Variants in MYO7B observed in about 807,000 individuals in gnomAD.
MYO7B encodes unconventional myosin-VIIb.
A neutral mutation model predicts 259.7 loss-of-function variants in MYO7B; 212 were observed. The ratio of observed to expected loss-of-function variants is 0.82; its 90% CI spans 0.73 to 0.91. The LOEUF (loss-of-function observed/expected upper bound fraction) is 0.91, where lower values mean the gene tolerates loss of function less well. Ranked by LOEUF, MYO7B falls within the 40% of genes least tolerant of loss-of-function variation. The pLI is 0.00. For synonymous variants in MYO7B, 1,197 were observed against 1,166.4 expected (o/e 1.03, Z -0.54); for missense variants, 2,732 against 2,813.5 (o/e 0.97, Z 0.66).
At position 127,559,878 on chromosome 2, in the gene MYO7B, G is replaced by C; in HGVS notation, c.18+138G>C. 9.7e-7 allele frequency: 1 copy of C among 1,034,686 alleles called. No individual in the cohort carries two copies. Among genetic ancestry groups the C allele is most frequent in the Non-Finnish European group, 1.5e-6 (1 of 665,740 alleles). The allele number at this position is 1,034,686 out of a possible 1,614,324, so 64.1% of individuals were successfully genotyped here. A position where few individuals can be genotyped will look rare whatever the true frequency, so the allele number is the denominator to read the frequency against. On this transcript the variant is annotated intron_variant, in intron 2 of 47. Coordinates refer to ENST00000409816, the MANE Select transcript of MYO7B (RefSeq NM_001393586.1). The surrounding 1 kb of genome is among the most constrained non-coding windows in gnomAD (Gnocchi z 4.1). Reference sequence around the variant, plus strand: ...AGAGACAGGGGAGTTTAGGAAACACGACAGATTCTAGCATCTAAAGAAAAC... The same window carrying C: ...AGAGACAGGGGAGTTTAGGAAACACCACAGATTCTAGCATCTAAAGAAAAC...
In MYO7B at chr2:127,593,530, C is replaced by G; in HGVS notation, c.2146-16C>G. 6.2e-7 allele frequency: 1 copy of G among 1,611,308 alleles called. No individual in the cohort carries two copies. Among genetic ancestry groups the G allele is most frequent in the Non-Finnish European group, 8.5e-7 (1 of 1,178,390 alleles). ...CTGCCCCACCTCCCACCGATACCCCCGTTTGGTCTTGGCAGCTGCAAGGCA... is the reference window on the plus strand; with the variant it reads ...CTGCCCCACCTCCCACCGATACCCCGGTTTGGTCTTGGCAGCTGCAAGGCA... On this transcript the variant is annotated splice_polypyrimidine_tract_variant and intron_variant, in intron 17 of 47. Transcript: ENST00000409816.
Position 127,624,273 on chromosome 2 carries a change from C to T in MYO7B, c.4000C>T (p.Arg1334Cys), listed in dbSNP as rs369906419. Residue 1334 changes from arginine (R) to cysteine (C), a missense_variant, in exon 30 of 48, where the codon CGC (arginine) becomes TGC (cysteine). Around this residue, in one of 3 missense-constraint regions of MYO7B, gnomAD observed 1,906 missense variants for 2,026.4 expected, o/e 0.94. Coordinates refer to ENST00000409816, the MANE Select transcript of MYO7B (RefSeq NM_001393586.1). ...EDPVSTELIY[R>C]QVLRGVWSGE... ...CCCTGTCAGCACCGAGCTTATTTAC[C>T]GCCAAGTCCTCCGAGGAGTCTGGTC... is the stretch of plus-strand genomic sequence containing the variant. The T allele has an allele frequency of 4.4e-5, 70 of 1,591,682 alleles. No homozygotes were observed. The highest frequency in any genetic ancestry group is 1.7e-4 in the African/African-American group (13 of 74,496).
chr2:127,636,256 G>A lies in MYO7B; in HGVS notation c.6055G>A (p.Ala2019Thr), dbSNP rs374243207. 1.2e-5 allele frequency: 19 copies of A among 1,613,610 alleles called. No individual in the cohort carries two copies. Among genetic ancestry groups the A allele is most frequent in the Non-Finnish European group, 1.5e-5 (18 of 1,179,822 alleles). The change falls in exon 45 of 48, where the codon GCC (alanine) becomes ACC (threonine). Residue 2019 changes from alanine (A) to threonine (T), a missense_variant. Physicochemically the swap from Ala to Thr is moderately conservative, Grantham distance 58 (BLOSUM62 0). Transcript: ENST00000409816. This position sits in a 1 kb window ranked among gnomAD's most constrained non-coding sequence, Gnocchi z 4.5. The stretch of plus-strand genomic sequence containing the variant: ...GCATAAGGACAAGACAGTGGAGGAG[G>A]CCAAGGTGGCCTTCCTGAAGTGGAT... ...DKHKDKTVEE[A>T]KVAFLKWICR...
At chr2:127,594,145 G>A (rs1299186187) in intron 18 of MYO7B, among the ~76,000 whole-genome samples, 3 of 152,330 alleles carry the variant, frequency 2.0e-5, no homozygotes, top group East Asian at 1.9e-4. Context: ...GGGCTTGTGC[G>A]AGCCTCACCA....
intron 40 of MYO7B, 141 bp from the exon 41 acceptor site, chr2:127,634,035 G>C (rs1681659902): frequency 1.6e-6 from 1 of 644,774 alleles, no homozygotes; most frequent in Non-Finnish European, 2.7e-6. Context: ...GGTTCTGGAA[G>C]GGAGGCTTGC....
At chr2:127,542,045 G>C (rs955609750) in intron 1 of MYO7B, among the ~76,000 whole-genome samples, 21 of 152,258 alleles carry the variant, frequency 1.4e-4, no homozygotes, top group Admixed American at 2.0e-4. Context: ...GGGCTTGCCT[G>C]GGCAGAAGAG....
In MYO7B at chr2:127,546,140, C is replaced by T. The variant is rs1693220268; in HGVS notation, c.-24+10309C>T. 6.6e-6 allele frequency among the ~76,000 whole-genome samples: 1 copy of T among 152,234 alleles called. No homozygotes were observed. Among genetic ancestry groups the T allele is most frequent in the Admixed American group, 6.5e-5 (1 of 15,284 alleles). On this transcript the variant is annotated intron_variant, in intron 1 of 47. Coordinates refer to ENST00000409816, the MANE Select transcript of MYO7B (RefSeq NM_001393586.1). This position sits in a 1 kb window ranked among gnomAD's most constrained non-coding sequence, Gnocchi z 4.2. ...CCTCACCCAGCCCCAGATGCCCTTT[C>T]TGCCCAAAGAACACTCAGACCCCTT...
intron 35 of MYO7B, among the ~76,000 whole-genome samples, chr2:127,630,461 G>C (rs925065271): frequency 1.3e-5 from 2 of 152,210 alleles, no homozygotes; most frequent in East Asian, 1.9e-4. Flanking sequence ...GCTGGGGTGA[G>C]AGGTGGCCCC....
chr2:127,548,412 G>T (rs1362064135), intron 1 of MYO7B, among the ~76,000 whole-genome samples: 27 of 147,380 alleles, frequency 1.8e-4, no homozygotes, highest in Non-Finnish European at 4.0e-4. Flanking sequence ...ATTGATTTTA[G>T]ATTTTTCTTT....
rs770350582 is a variant in MYO7B at position 127,588,399 on chromosome 2, G to C, written c.1698G>C (p.Leu566=). The stretch of plus-strand genomic sequence containing the variant: ...GGCCCTGTGTCTCCACAGGCTTCCT[G>C]GAGAAGAACCGAGACGTGCTGAGCA... ...GEVYYQAEGF[L]EKNRDVLSTD... is the part of the protein sequence containing the mutation. Residue 566 remains leucine, a synonymous_variant, in exon 15 of 48, where the codon CTG becomes CTC. Transcript: ENST00000409816. The C allele has an allele frequency of 1.2e-6, 2 of 1,612,648 alleles. No homozygotes were observed. Among genetic ancestry groups the C allele is most frequent in the South Asian group, 1.1e-5 (1 of 91,028 alleles).
At chr2:127,631,579 T>C in intron 37 of MYO7B, 21 bp from the exon 38 acceptor site, 1 of 1,612,028 alleles carries the variant, frequency 6.2e-7, no homozygotes, top group Non-Finnish European at 8.5e-7. Context: ...GCCCCAGCAC[T>C]GTGCTCCTTG....
In MYO7B at chr2:127,628,588, G is replaced by A. The variant is rs1037605332; in HGVS notation, c.4624+53G>A. ...GTGGGGTGGGGTGGGGGAGGGCCGC[G>A]CATGGGGTCTGTAGGTAGGTGGCAT... On this transcript the variant is annotated intron_variant, in intron 34 of 47. Coordinates refer to ENST00000409816, the MANE Select transcript of MYO7B (RefSeq NM_001393586.1). This position sits in a 1 kb window ranked among gnomAD's most constrained non-coding sequence, Gnocchi z 4.8. 9.4e-6 allele frequency: 13 copies of A among 1,380,282 alleles called. No homozygotes were observed. In the South Asian group the frequency reaches 1.1e-4, roughly 11 times the overall value. 85.5% of individuals were successfully genotyped at this position (1,380,282 alleles called of 1,614,324 possible).
At position 127,631,290 on chromosome 2, in the gene MYO7B, G is replaced by A. The variant is rs765105719; in HGVS notation, c.5022G>A (p.Pro1674=). 3.7e-5 allele frequency: 60 copies of A among 1,612,032 alleles called. No homozygotes were observed. The Middle Eastern group carries it at 4.9e-4, about 13-fold the overall frequency. Residue 1674 remains proline (P), a synonymous_variant, in exon 37 of 48, where the codon CCG becomes CCA. Transcript: ENST00000409816. ...RGHLWAYSCE[P]LRQPLLKRVH... Reference sequence around the variant, plus strand: ...ACCTGTGGGCCTATTCCTGCGAGCCGCTGCGACAGCCGCTGCTCAAGCGAG... The same window carrying A: ...ACCTGTGGGCCTATTCCTGCGAGCCACTGCGACAGCCGCTGCTCAAGCGAG...
At position 127,634,634 on chromosome 2, in the gene MYO7B, C is replaced by T. The variant is rs767590198; in HGVS notation, c.5664C>T (p.Ser1888=). Residue 1888 remains serine, a synonymous_variant, in exon 42 of 48, where the codon TCC becomes TCT. Transcript: ENST00000409816. ...SQKEGDFFFD[S]LREVSDWVKK... ...AGGAGGGAGACTTCTTCTTTGATTC[C>T]TTGAGGGAGGTGTCTGACTGGGTGA... 7 of 1,612,914 alleles carry T rather than the reference C, an allele frequency of 4.3e-6. No homozygotes were observed. In the South Asian group the frequency reaches 4.4e-5, roughly 10 times the overall value.
Position 127,566,741 on chromosome 2 carries a change from C to G in MYO7B, c.384C>G (p.Gly128=). The G allele has an allele frequency of 6.2e-7, 1 of 1,612,874 alleles. No homozygotes were observed. Among genetic ancestry groups the G allele is most frequent in the Non-Finnish European group, 8.5e-7 (1 of 1,179,842 alleles). ...AGCTCTACTACAGCCGCCATATGGGCGAGCTGCCCCCGCATGTCTTTGCCA... is the reference window on the plus strand; with the variant it reads ...AGCTCTACTACAGCCGCCATATGGGGGAGCTGCCCCCGCATGTCTTTGCCA... The part of the protein sequence containing the change: ...QVQLYYSRHM[G]ELPPHVFAIA... Residue 128 remains glycine (G), a synonymous_variant, in exon 5 of 48, where the codon GGC becomes GGG. Transcript: ENST00000409816.
chr2:127,592,058 A>C (rs1049193715), intron 16 of MYO7B, among the ~76,000 whole-genome samples: 12 of 152,356 alleles, frequency 7.9e-5, no homozygotes, highest in African/African-American at 2.9e-4. Flanking sequence ...CCTGCGGGGC[A>C]GCTTTCCACC....
chr2:127,580,472 C>T (rs1462293862), intron 9 of MYO7B, among the ~76,000 whole-genome samples: 1 of 152,244 alleles, frequency 6.6e-6, no homozygotes, highest in African/African-American at 2.4e-5. Context: ...TCCAAATAAG[C>T]CCACCTTTCT....
chr2:127,629,841 C>A lies in MYO7B; in HGVS notation c.4806+15C>A. 2 of 1,538,524 alleles carry A rather than the reference C, an allele frequency of 1.3e-6. No individual in the cohort carries two copies. Among genetic ancestry groups the A allele is most frequent in the South Asian group, 1.3e-5 (1 of 79,818 alleles). On this transcript the variant is annotated intron_variant, in intron 35 of 47. Transcript: ENST00000409816. ...CACAGCTGCTGGTAACTGGCACGCT[C>A]CCCTGTCCTCAGCCTGGGTACCCGA...
Position 127,629,760 on chromosome 2 carries a change from GGGGCT to G in MYO7B, c.4743_4747del (p.Leu1582AlafsTer13). 6.2e-7 allele frequency: 1 copy of G among 1,610,688 alleles called. No homozygotes were observed. The stretch of plus-strand genomic sequence containing the variant: ...GCCAGAACGACAGGACAGGCAAGAC[GGGGCT>G]GGTGCCCATGGCCTGCCTCTACACC... On this transcript the variant is annotated frameshift_variant, in exon 35 of 48. Coordinates refer to ENST00000409816, the MANE Select transcript of MYO7B (RefSeq NM_001393586.1). LOFTEE classifies it high-confidence loss of function.
Sources: allele counts gnomAD v4.1 joint callset (sites outside exome capture counted in the v4.1 genomes callset), GRCh38; gene constraint gnomAD v4.1.1; regional missense constraint gnomAD v4.1.1; non-coding constraint Gnocchi (gnomAD v3.1); transcripts MANE v1.5; gene names NCBI Gene and HGNC (gene_info 2026-07-23, HGNC 2026-07-21).